Variants in MARCHF1 observed in about 807,000 individuals in gnomAD.
The protein encoded by MARCHF1 is E3 ubiquitin-protein ligase MARCHF1.
In MARCHF1, 40 loss-of-function variants were observed where a neutral mutation model predicts 54.2. That is an observed-to-expected ratio of 0.74 (90% CI 0.57 to 0.96). The LOEUF is 0.96. Among genes scored for constraint, MARCHF1 ranks in the 40% least tolerant of loss-of-function variants. MARCHF1 has a pLI of 0.00. For synonymous variants in MARCHF1, 236 were observed against 236.3 expected (o/e 1.00, Z 0.01); for missense variants, 586 against 656.5 (o/e 0.89, Z 1.17).
intron 4 of MARCHF1, among the ~76,000 whole-genome samples, chr4:163,713,196 G>T (rs1245016569): frequency 6.6e-6 from 1 of 151,888 alleles, no homozygotes; most frequent in Non-Finnish European, 1.5e-5. Flanking sequence ...AATAGTAGAA[G>T]GTAGGAAAAT....
intron 2 of MARCHF1, among the ~76,000 whole-genome samples, chr4:164,059,046 A>T (rs924130860): frequency 6.6e-6 from 1 of 152,212 alleles, no homozygotes; most frequent in Non-Finnish European, 1.5e-5. Context: ...GGCTCATAGG[A>T]TAAGAATTCT....
At chr4:164,233,664 T>C (rs1732474646) in intron 1 of MARCHF1, among the ~76,000 whole-genome samples, 1 of 152,106 alleles carries the variant, frequency 6.6e-6, no homozygotes, top group East Asian at 1.9e-4. Context: ...ATCCTCCAAG[T>C]GTAGGTCCTA....
intron 3 of MARCHF1, among the ~76,000 whole-genome samples, chr4:163,923,886 TGATA>T (rs1473028244): frequency 6.7e-6 from 1 of 150,332 alleles, no homozygotes; most frequent in Non-Finnish European, 1.5e-5. Flanking sequence ...TGATAGGTGA[TGATA>T]GATAGATAAA....
At chr4:163,790,424 T>C (rs1156381293) in intron 4 of MARCHF1, among the ~76,000 whole-genome samples, 1 of 152,056 alleles carries the variant, frequency 6.6e-6, no homozygotes, top group Non-Finnish European at 1.5e-5. Flanking sequence ...TTCCATCTGA[T>C]GTAGTTATTA....
chr4:163,827,580 G>A (rs966356691), intron 4 of MARCHF1, among the ~76,000 whole-genome samples: 1 of 152,056 alleles, frequency 6.6e-6, no homozygotes, highest in Non-Finnish European at 1.5e-5. Context: ...AAAAAGCAGA[G>A]CACCCCTCTG....
intron 8 of MARCHF1, among the ~76,000 whole-genome samples, chr4:163,550,395 T>C (rs1422824355): frequency 6.6e-6 from 1 of 152,018 alleles, no homozygotes; most frequent in Non-Finnish European, 1.5e-5. Context: ...TCACCTATGG[T>C]TTCCAGCTTC....
intron 2 of MARCHF1, among the ~76,000 whole-genome samples, chr4:164,033,338 G>A (rs1314340469): frequency 6.6e-6 from 1 of 152,022 alleles, no homozygotes; most frequent in Non-Finnish European, 1.5e-5. Context: ...GAAAACTGAG[G>A]CAATACCATT....
chr4:163,854,227 A>G, intron 3 of MARCHF1, 58 bp from the exon 4 acceptor site: 2 of 1,257,366 alleles, frequency 1.6e-6, no homozygotes, highest in Non-Finnish European at 2.1e-6. Context: ...GTTTTGGAAA[A>G]TACATATAAT....
intron 7 of MARCHF1, among the ~76,000 whole-genome samples, chr4:163,598,411 T>C (rs1482345813): frequency 6.6e-6 from 1 of 152,234 alleles, no homozygotes; most frequent in African/African-American, 2.4e-5. Context: ...GGATACGTTC[T>C]GAGAAATGCC....
chr4:164,194,945 C>A (rs2111060995), intron 1 of MARCHF1, among the ~76,000 whole-genome samples: 1 of 152,080 alleles, frequency 6.6e-6, no homozygotes, highest in South Asian at 2.1e-4. Context: ...ATAGCTCCTA[C>A]ATTAGCTATC....
intron 3 of MARCHF1, among the ~76,000 whole-genome samples, chr4:163,976,581 T>G (rs1480202008): frequency 6.6e-6 from 1 of 152,150 alleles, no homozygotes; most frequent in Non-Finnish European, 1.5e-5. Context: ...TTTTAACCAA[T>G]AGGCTACTGC....
intron 5 of MARCHF1, among the ~76,000 whole-genome samples, chr4:163,683,589 A>T (rs1744175730): frequency 6.6e-6 from 1 of 152,182 alleles, no homozygotes; most frequent in African/African-American, 2.4e-5. Context: ...ACTAGTTGGA[A>T]CGAGGTGTAT....
At position 163,770,672 on chromosome 4, in the gene MARCHF1, G is replaced by T. The variant is rs1267806000; in HGVS notation, c.112-69809C>A. On this transcript the variant is annotated intron_variant, in intron 4 of 9. Coordinates refer to ENST00000514618, the MANE Select transcript of MARCHF1 (RefSeq NM_001394959.1). ...TTTTTTTATCTGTCTTACTTGTGGA[G>T]AATAAAGAGTGGCATGCTATTCAGC... 2.0e-5 allele frequency among the ~76,000 whole-genome samples: 3 copies of T among 152,070 alleles called. No homozygotes were observed. In the East Asian group the frequency reaches 5.8e-4, roughly 29 times the overall value.
intron 1 of MARCHF1, among the ~76,000 whole-genome samples, chr4:164,119,591 C>T (rs1055256184): frequency 6.6e-5 from 10 of 151,476 alleles, no homozygotes; most frequent in Admixed American, 2.0e-4. Flanking sequence ...TTAATAAAAA[C>T]ATGAGCCAAA....
At chr4:163,889,190 T>C (rs1388590018) in intron 3 of MARCHF1, among the ~76,000 whole-genome samples, 8 of 152,166 alleles carry the variant, frequency 5.3e-5, no homozygotes, top group Non-Finnish European at 1.0e-4. Context: ...TAACAACTCA[T>C]ATTTACAGAG....
chr4:163,959,420 C>T (rs1406105501), intron 3 of MARCHF1, among the ~76,000 whole-genome samples: 1 of 151,570 alleles, frequency 6.6e-6, no homozygotes, highest in African/African-American at 2.4e-5. Context: ...AACTATACTA[C>T]AGGGCTACAG....
At chr4:164,104,110 G>C (rs1579537379) in intron 2 of MARCHF1, among the ~76,000 whole-genome samples, 1 of 150,300 alleles carries the variant, frequency 6.7e-6, no homozygotes, top group Non-Finnish European at 1.5e-5. Context: ...AGCTGAAATT[G>C]TGGCAATAAT....
At chr4:163,950,569 C>T (rs1231216831) in intron 3 of MARCHF1, among the ~76,000 whole-genome samples, 1 of 152,142 alleles carries the variant, frequency 6.6e-6, no homozygotes, top group Non-Finnish European at 1.5e-5. Context: ...GGGGCTCCTG[C>T]CCCTCCCACT....
At chr4:163,572,103 CCTT>C (rs1739859439) in intron 8 of MARCHF1, among the ~76,000 whole-genome samples, 1 of 152,008 alleles carries the variant, frequency 6.6e-6, no homozygotes, top group South Asian at 2.1e-4. Flanking sequence ...TATAGAGAGT[CCTT>C]CTTGCTTTTC....
Sources: gnomAD v4.1 joint callset for allele counts (sites outside exome capture counted in the v4.1 genomes callset) on GRCh38, gnomAD v4.1.1 for gene constraint, MANE v1.5 for transcripts, NCBI Gene and HGNC (gene_info 2026-07-23, HGNC 2026-07-21) for gene names.